The following SLC44A5 variants were observed in gnomAD, a reference collection of about 807,000 sequenced individuals.
SLC44A5 encodes the protein solute carrier family 44 member 5.
Under a neutral mutation model 101.8 loss-of-function variants are expected in SLC44A5, and 57 were observed. That is an observed-to-expected ratio of 0.56 (90% CI 0.45 to 0.70). The LOEUF is 0.70. SLC44A5 is among the 30% of genes least tolerant of loss of function. SLC44A5 has a pLI of 0.00. For synonymous variants in SLC44A5, 281 were observed against 290.9 expected (o/e 0.97, Z 0.35); for missense variants, 737 against 853.1 (o/e 0.86, Z 1.70).
At chr1:75,634,394 G>T in the SLC44A5 span, among the ~76,000 whole-genome samples, 36 of 152,014 alleles carry the variant, frequency 2.4e-4, no homozygotes, top group African/African-American at 8.4e-4. Flanking sequence ...GAGGCATCAC[G>T]CTACCTGACT....
intron 16 of SLC44A5, 118 bp downstream of exon 16, chr1:75,219,139 G>A: frequency 1.4e-6 from 1 of 735,952 alleles, no homozygotes; most frequent in Non-Finnish European, 2.4e-6. Context: ...TCAGCACATA[G>A]TTGTCCCCAT....
chr1:75,412,890 A>G (rs1332065918), intron 2 of SLC44A5, among the ~76,000 whole-genome samples: 3 of 152,132 alleles, frequency 2.0e-5, no homozygotes, highest in Admixed American at 6.5e-5. Flanking sequence ...CCATGGCTCA[A>G]TGATCCAGGA....
At chr1:75,314,493 T>C (rs1655544559) in intron 4 of SLC44A5, among the ~76,000 whole-genome samples, 2 of 152,180 alleles carry the variant, frequency 1.3e-5, no homozygotes. Flanking sequence ...CCAAAGTGTG[T>C]GGAGAAGCAG....
At chr1:75,655,659 C>A in the SLC44A5 span, among the ~76,000 whole-genome samples, 1 of 152,140 alleles carries the variant, frequency 6.6e-6, no homozygotes, top group Non-Finnish European at 1.5e-5. Context: ...CTCCTTCCAA[C>A]TGGGGAAGAA....
At chr1:75,246,069 C>G (rs901044672) in intron 7 of SLC44A5, among the ~76,000 whole-genome samples, 1 of 152,068 alleles carries the variant, frequency 6.6e-6, no homozygotes, top group Non-Finnish European at 1.5e-5. Flanking sequence ...AATGACTCAG[C>G]TAATAAGAGC....
At chr1:75,414,971 G>T (rs1348696545) in intron 2 of SLC44A5, among the ~76,000 whole-genome samples, 1 of 152,150 alleles carries the variant, frequency 6.6e-6, no homozygotes, top group Non-Finnish European at 1.5e-5. Flanking sequence ...TTCTTTCAAA[G>T]ACTATTCTGG....
the SLC44A5 span, among the ~76,000 whole-genome samples, chr1:75,704,494 G>T: frequency 2.0e-5 from 3 of 152,172 alleles, no homozygotes; most frequent in African/African-American, 7.2e-5. Flanking sequence ...GTTAGTTTGG[G>T]TTTCTTTATT....
At chr1:75,400,490 AG>A (rs990787428) in intron 2 of SLC44A5, among the ~76,000 whole-genome samples, 3 of 152,206 alleles carry the variant, frequency 2.0e-5, no homozygotes, top group Non-Finnish European at 4.4e-5. Flanking sequence ...TCAAACCCAA[AG>A]GTTACGCATT....
intron 12 of SLC44A5, among the ~76,000 whole-genome samples, chr1:75,231,956 T>C (rs1647611238): frequency 6.6e-6 from 1 of 152,190 alleles, no homozygotes; most frequent in South Asian, 2.1e-4. Context: ...TTATTTGCTC[T>C]AGTAAATGGG....
intron 3 of SLC44A5, among the ~76,000 whole-genome samples, chr1:75,384,739 A>C (rs1180039572): frequency 7.4e-6 from 1 of 134,300 alleles, no homozygotes; most frequent in East Asian, 2.2e-4. Flanking sequence ...TCCACCCCAA[A>C]TCAACAGAAT....
chr1:75,350,935 A>G (rs1658607475), intron 3 of SLC44A5, among the ~76,000 whole-genome samples: 1 of 151,676 alleles, frequency 6.6e-6, no homozygotes, highest in South Asian at 2.1e-4. Context: ...AGGTTGAAAC[A>G]AAAGGATGGA....
intron 1 of SLC44A5, among the ~76,000 whole-genome samples, chr1:75,587,694 A>T (rs1674094338): frequency 6.6e-6 from 1 of 152,226 alleles, no homozygotes. Context: ...ATATTGGTTT[A>T]AAACATTTTG....
chr1:75,646,096 G>A, the SLC44A5 span, among the ~76,000 whole-genome samples: 1 of 134,976 alleles, frequency 7.4e-6, no homozygotes, highest in Non-Finnish European at 1.7e-5. Context: ...TTTGGCTTAG[G>A]ATTGACTTGG....
At chr1:75,690,378 G>A in the SLC44A5 span, among the ~76,000 whole-genome samples, 1 of 152,094 alleles carries the variant, frequency 6.6e-6, no homozygotes, top group Non-Finnish European at 1.5e-5. Flanking sequence ...TGATCCACCA[G>A]GTCTCTCCTT....
In SLC44A5 at chr1:75,486,007, C is replaced by A. The variant is rs80309821; in HGVS notation, c.13+55428G>T. 2.3e-3 allele frequency among the ~76,000 whole-genome samples: 352 copies of A among 152,294 alleles called. 14 individuals are homozygous for A. In the East Asian group the frequency reaches 0.063, roughly 27 times the overall value. Reference sequence around the variant, plus strand: ...CCTCTCTTCCAACATGTGGAGATTACAATTCAACCTGAGATTTGGGTGGGA... The same window carrying A: ...CCTCTCTTCCAACATGTGGAGATTAAAATTCAACCTGAGATTTGGGTGGGA... On this transcript the variant is annotated intron_variant, in intron 2 of 23. Coordinates refer to ENST00000370859, the MANE Select transcript of SLC44A5 (RefSeq NM_001130058.2).
intron 2 of SLC44A5, among the ~76,000 whole-genome samples, chr1:75,494,881 T>C (rs1319800803): frequency 6.6e-6 from 1 of 152,230 alleles, no homozygotes; most frequent in Non-Finnish European, 1.5e-5. Flanking sequence ...CCAACTTTTC[T>C]AGCTGCTACT....
At chr1:75,445,583 A>AAC (rs1665525919) in intron 2 of SLC44A5, among the ~76,000 whole-genome samples, 1 of 75,070 alleles carries the variant, frequency 1.3e-5, no homozygotes. Context: ...CCTTTCCTGG[A>AAC]TTTTTCTCCT....
chr1:75,227,823 A>C lies in SLC44A5; in HGVS notation c.888T>G (p.Leu296=). 1 of 1,599,792 alleles carries C rather than the reference A, an allele frequency of 6.3e-7. No homozygotes were observed. Among genetic ancestry groups the C allele is most frequent in the South Asian group, 1.1e-5 (1 of 87,418 alleles). ...IWHCYQQYTN[L]QERPSSVLTI... is the part of the protein sequence containing the mutation. ...TTAATACAGAACTTGGGCGTTCCTGAAGATTGGTGTACTGCTGGTAACAGT... is the reference window on the plus strand; with the variant it reads ...TTAATACAGAACTTGGGCGTTCCTGCAGATTGGTGTACTGCTGGTAACAGT... Residue 296 remains leucine, a synonymous_variant, in exon 13 of 24, where the codon CTT becomes CTG. Coordinates refer to ENST00000370859, the MANE Select transcript of SLC44A5 (RefSeq NM_001130058.2).
chr1:75,337,193 T>C (rs1351657964), intron 4 of SLC44A5, among the ~76,000 whole-genome samples: 1 of 152,172 alleles, frequency 6.6e-6, no homozygotes, highest in Admixed American at 6.5e-5. Flanking sequence ...ATTCTTGTTT[T>C]CTTTCCTTCA....
Sources: allele counts gnomAD v4.1 joint callset (sites outside exome capture counted in the v4.1 genomes callset), GRCh38; gene constraint gnomAD v4.1.1; transcripts MANE v1.5; gene names NCBI Gene and HGNC (gene_info 2026-07-23, HGNC 2026-07-21).